Variants in NADSYN1 observed in about 807,000 individuals in gnomAD.
NADSYN1 encodes NAD synthetase 1, also known as glutamine-dependent NAD(+) synthetase.
In NADSYN1, 80 loss-of-function variants were observed where a neutral mutation model predicts 99.3. The observed-to-expected ratio is 0.81, with a 90% CI of 0.67 to 0.97. The LOEUF (loss-of-function observed/expected upper bound fraction) is 0.97, where lower values mean the gene tolerates loss of function less well. Among genes scored for constraint, NADSYN1 ranks in the 50% least tolerant of loss-of-function variants. NADSYN1 has a pLI of 0.00. For missense variants in NADSYN1, 859 were observed against 948.5 expected (o/e 0.91, Z 1.24); for synonymous variants, 385 against 372.1 (o/e 1.03, Z -0.40).
At chr11:71,465,870 CTGT>C (rs1405698828) in intron 5 of NADSYN1, among the ~76,000 whole-genome samples, 2 of 152,056 alleles carry the variant, frequency 1.3e-5, no homozygotes, top group Admixed American at 6.5e-5. Flanking sequence ...GTTGGTTAGT[CTGT>C]TGATTTTTGT....
At chr11:71,477,746 G>A (rs899195815) in intron 9 of NADSYN1, among the ~76,000 whole-genome samples, 13 of 152,204 alleles carry the variant, frequency 8.5e-5, no homozygotes, top group African/African-American at 2.7e-4. Flanking sequence ...TGTGGATGCC[G>A]GGGCTGCGGC....
In NADSYN1 at chr11:71,485,570, T is replaced by A; in HGVS notation, c.1484T>A (p.Leu495Gln). Residue 495 changes from leucine to glutamine, a missense_variant, in exon 16 of 21, where the codon CTG (leucine) becomes CAG (glutamine). Transcript: ENST00000319023. ...CGAATACGGATGGTCCTCGCCTATC[T>A]GTTTGCTCAGTTGAGCCTCTGGTCT... ...QARIRMVLAYLFAQLSLWSRG... is the reference protein window; with the variant it reads ...QARIRMVLAYQFAQLSLWSRG... 3 of 1,562,214 alleles carry A rather than the reference T, an allele frequency of 1.9e-6. No individual in the cohort carries two copies. The highest frequency in any genetic ancestry group is 2.6e-6 in the Non-Finnish European group (3 of 1,152,436).
chr11:71,457,427 G>C (rs561627285), intron 2 of NADSYN1, among the ~76,000 whole-genome samples: 2 of 152,288 alleles, frequency 1.3e-5, no homozygotes, highest in Admixed American at 1.3e-4. Context: ...GTAGAAAGGA[G>C]AACTTCTTGA....
intron 5 of NADSYN1, among the ~76,000 whole-genome samples, chr11:71,466,526 C>T (rs900634833): frequency 2.6e-5 from 4 of 152,220 alleles, no homozygotes; most frequent in Admixed American, 1.3e-4. Flanking sequence ...GCAAGATCTC[C>T]GTGGGTGGAT....
At chr11:71,489,729 C>G (rs1190376856) in intron 16 of NADSYN1, among the ~76,000 whole-genome samples, 1 of 152,192 alleles carries the variant, frequency 6.6e-6, no homozygotes, top group African/African-American at 2.4e-5. Flanking sequence ...GTCTTACACC[C>G]CCGACATTGC....
intron 18 of NADSYN1, among the ~76,000 whole-genome samples, chr11:71,495,672 A>G (rs1188592712): frequency 6.6e-6 from 1 of 152,246 alleles, no homozygotes; most frequent in Non-Finnish European, 1.5e-5. Context: ...TACACTGGAA[A>G]ATGCTCACTT....
chr11:71,493,781 G>A (rs1188371213), intron 18 of NADSYN1, among the ~76,000 whole-genome samples: 1 of 152,124 alleles, frequency 6.6e-6, no homozygotes, highest in Non-Finnish European at 1.5e-5. Flanking sequence ...AGCTGACAAT[G>A]TATTTGTGTT....
chr11:71,478,107 G>T (rs1466749835), intron 9 of NADSYN1, among the ~76,000 whole-genome samples: 3 of 150,778 alleles, frequency 2.0e-5, no homozygotes, highest in South Asian at 2.1e-4. Flanking sequence ...ACTGACAGGG[G>T]TGTGTCTTAC....
Position 71,481,938 on chromosome 11 carries a change from C to T in NADSYN1, c.1063C>T (p.Pro355Ser), listed in dbSNP as rs767453725. The T allele has an allele frequency of 3.1e-6, 5 of 1,613,214 alleles. No homozygotes were observed. The highest frequency in any genetic ancestry group is 4.2e-6 in the Non-Finnish European group (5 of 1,179,682). Residue 355 changes from proline (P) to serine (S), a missense_variant, in exon 13 of 21, where the codon CCC becomes TCC. Coordinates refer to ENST00000319023, the MANE Select transcript of NADSYN1 (RefSeq NM_018161.5). Reference protein sequence around the residue: ...RRSQQAGFLLPLSGGVDSAAT... With the variant: ...RRSQQAGFLLSLSGGVDSAAT... The stretch of plus-strand genomic sequence containing the variant: ...TCCATTCCAGGCAGGGTTTTTGCTG[C>T]CCTTGAGTGGCGGGGTGGACAGCGC...
chr11:71,469,225 A>C (rs953324688), intron 5 of NADSYN1, among the ~76,000 whole-genome samples: 1 of 152,208 alleles, frequency 6.6e-6, no homozygotes, highest in Admixed American at 6.5e-5. Context: ...TGGGAGGCCA[A>C]AGTGGTCAGA....
chr11:71,498,205 C>T (rs1265472416), intron 19 of NADSYN1, 147 bp from the exon 20 acceptor site: 30 of 886,548 alleles, frequency 3.4e-5, no homozygotes, highest in Admixed American at 2.9e-5. Flanking sequence ...GGCCTGAGCA[C>T]GGGCATCCCC....
At chr11:71,455,281 C>A in intron 2 of NADSYN1, 111 bp downstream of exon 2, 1 of 898,654 alleles carries the variant, frequency 1.1e-6, no homozygotes, top group Non-Finnish European at 1.8e-6. Flanking sequence ...GCTGTGGACA[C>A]GCCACACCCA....
Position 71,485,696 on chromosome 11 carries a change from G to A in NADSYN1, c.1562+48G>A, listed in dbSNP as rs904223440. The A allele has an allele frequency of 3.0e-6, 4 of 1,351,386 alleles. No individual in the cohort carries two copies. The South Asian group carries it at 5.2e-5, about 18-fold the overall frequency. 83.7% of individuals were successfully genotyped at this position (1,351,386 alleles called of 1,614,324 possible). A position where few individuals can be genotyped will look rare whatever the true frequency, so the allele number is the denominator to read the frequency against. ...TGGTGGTGGGCCCCTGAACCTCTCA[G>A]GTCTCTGAAGGTGATACGCTGTGAG... On this transcript the variant is annotated intron_variant, in intron 16 of 20. Coordinates refer to ENST00000319023, the MANE Select transcript of NADSYN1 (RefSeq NM_018161.5).
intron 4 of NADSYN1, 137 bp from the exon 5 acceptor site, chr11:71,463,916 G>A: frequency 1.5e-6 from 1 of 650,150 alleles, no homozygotes; most frequent in South Asian, 1.9e-5. Flanking sequence ...CCCAGAGAAG[G>A]AGAGAGATTT....
chr11:71,486,630 T>C (rs2120491976), intron 16 of NADSYN1, among the ~76,000 whole-genome samples: 1 of 151,946 alleles, frequency 6.6e-6, no homozygotes, highest in East Asian at 1.9e-4. Context: ...CATCCACCCA[T>C]CTGTCCATCT....
At chr11:71,484,609 C>T in intron 15 of NADSYN1, 162 bp downstream of exon 15, 1 of 1,071,152 alleles carries the variant, frequency 9.3e-7, no homozygotes, top group South Asian at 1.7e-5. Flanking sequence ...AGCCTGTATG[C>T]CTCACTGAAG....
chr11:71,484,823 A>G, intron 15 of NADSYN1: 1 of 233,532 alleles, frequency 4.3e-6, no homozygotes, highest in Non-Finnish European at 8.6e-6. Flanking sequence ...ATGAGAGTAC[A>G]AGTGTGTGAA....
intron 13 of NADSYN1, 121 bp from the exon 14 acceptor site, chr11:71,482,728 C>G: frequency 8.9e-7 from 1 of 1,127,230 alleles, no homozygotes; most frequent in Non-Finnish European, 1.2e-6. Flanking sequence ...CGCACAGGCA[C>G]CTGGGGGTGT....
At chr11:71,458,227 G>C (rs750254862) in intron 2 of NADSYN1, among the ~76,000 whole-genome samples, 4 of 152,202 alleles carry the variant, frequency 2.6e-5, no homozygotes, top group Non-Finnish European at 4.4e-5. Context: ...AGCAGGGGCC[G>C]TGCTCTTCGC....
Sources: allele counts gnomAD v4.1 joint callset (sites outside exome capture counted in the v4.1 genomes callset), GRCh38; gene constraint gnomAD v4.1.1; transcripts MANE v1.5; gene names NCBI Gene and HGNC (gene_info 2026-07-23, HGNC 2026-07-21).